Variants in CDAN1 observed in about 807,000 individuals in gnomAD.
CDAN1 encodes the protein codanin-1.
Under a neutral mutation model 139.8 loss-of-function variants are expected in CDAN1, and 107 were observed. The ratio of observed to expected loss-of-function variants is 0.77; its 90% confidence interval spans 0.65 to 0.90. The LOEUF is 0.90. Among genes scored for constraint, CDAN1 ranks in the 40% least tolerant of loss-of-function variants. CDAN1 has a pLI of 0.00. For missense variants in CDAN1, 1,667 were observed against 1,575.7 expected (o/e 1.06, Z -0.98); for synonymous variants, 776 against 660.6 (o/e 1.17, Z -2.68).
rs751595854 is a variant in CDAN1, at chr15:42,735,315, G to A, written c.1003C>T (p.Arg335Trp). ...CTGTCCTTGGCAGTCACCATCCTCC[G>A]GGCAGTGAGGAGCTGAAAGACGAAG... ...LFFVFQLLTA[R>W]RMVTAKDSDP... Residue 335 changes from arginine to tryptophan, a missense_variant, in exon 5 of 28, where the codon CGG (arginine) becomes TGG (tryptophan). This residue lies in a region of CDAN1 where 244 missense variants were observed against 309.4 expected (regional missense o/e 0.79). Coordinates refer to ENST00000356231, the MANE Select transcript of CDAN1 (RefSeq NM_138477.4). The A allele has an allele frequency of 6.8e-6, 11 of 1,610,438 alleles. No homozygotes were observed. The highest frequency in any genetic ancestry group is 9.3e-6 in the Non-Finnish European group (11 of 1,178,242).
At chr15:42,725,021 G>A in intron 27 of CDAN1, 123 bp downstream of exon 27, 1 of 785,582 alleles carries the variant, frequency 1.3e-6, no homozygotes, top group Non-Finnish European at 2.2e-6. Context: ...ACAATTTCAG[G>A]GTGGCCCTGA....
chr15:42,731,205 T>C lies in CDAN1; in HGVS notation c.1860+6A>G, dbSNP rs756447126. On this transcript the variant is annotated splice_donor_region_variant and intron_variant, in intron 12 of 27. Coordinates refer to ENST00000356231, the MANE Select transcript of CDAN1 (RefSeq NM_138477.4). ...CCCCATTATTTCCCTTGTTCTGTTTTCGGACCTGCCAGTCTACGTCTGACT... is the reference window on the plus strand; with the variant it reads ...CCCCATTATTTCCCTTGTTCTGTTTCCGGACCTGCCAGTCTACGTCTGACT... The C allele has an allele frequency of 3.7e-6, 6 of 1,614,226 alleles. No individual in the cohort carries two copies. The Admixed American group carries it at 8.3e-5, about 22-fold the overall frequency.
intron 1 of CDAN1, 67 bp from the exon 2 acceptor site, chr15:42,736,847 G>A (rs2061696432): frequency 1.4e-6 from 2 of 1,454,008 alleles, no homozygotes; most frequent in Admixed American, 2.6e-5. Context: ...TGAGCAGCCG[G>A]GGCCGTAGGG....
rs1464497888 is a variant in CDAN1 at position 42,725,491 on chromosome 15, C to A, written c.3448G>T (p.Glu1150Ter). ...GCTTCTTGTTCCGTCTGACTCACCT[C>A]CCTTGGCCTTGTGTCTGCCAGAAGC... ...VGLLADTRPREWDLLLFLLRE... is the reference protein window; with the variant it reads ...VGLLADTRPR Residue 1150 changes from glutamate (E) to a stop codon, truncating the protein, a stop_gained and splice_region_variant, in exon 26 of 28, where the codon GAG (glutamate) becomes TAG (stop). Coordinates refer to ENST00000356231, the MANE Select transcript of CDAN1 (RefSeq NM_138477.4). LOFTEE classifies it high-confidence loss of function. 6.2e-7 allele frequency: 1 copy of A among 1,614,076 alleles called. No homozygotes were observed. Among genetic ancestry groups the A allele is most frequent in the East Asian group, 2.2e-5 (1 of 44,892 alleles).
chr15:42,729,695 C>A, intron 16 of CDAN1, 73 bp from the exon 17 acceptor site: 1 of 1,597,860 alleles, frequency 6.3e-7, no homozygotes, highest in Non-Finnish European at 8.6e-7. Context: ...GTTGGCAGGG[C>A]CTTTACAAGG....
In CDAN1 at chr15:42,733,296, T is replaced by C; in HGVS notation, c.1368-110A>G. 9.4e-6 allele frequency: 8 copies of C among 850,352 alleles called. 1 individual carries two copies. The South Asian group carries it at 1.1e-4, about 12-fold the overall frequency. 52.7% of individuals were successfully genotyped at this position (850,352 alleles called of 1,614,324 possible). On this transcript the variant is annotated intron_variant, in intron 8 of 27. Transcript: ENST00000356231. ...CCACCACCTTTTTTTTTTTTGGAGA[T>C]GGAGTCTTGCTCTTGTCACTCAGGC... is the stretch of plus-strand genomic sequence containing the variant.
chr15:42,725,975 CAAA>C (rs886492399), intron 25 of CDAN1, 119 bp downstream of exon 25: 4,451 of 345,580 alleles, frequency 0.013, no homozygotes, highest in Middle Eastern at 0.019. Flanking sequence ...GATTCCGTCT[CAAA>C]AAAAAAAAAA....
At chr15:42,727,546 G>T in intron 23 of CDAN1, 75 bp downstream of exon 23, 3 of 1,355,768 alleles carry the variant, frequency 2.2e-6, no homozygotes, top group Non-Finnish European at 3.0e-6. Flanking sequence ...TGGAGCTGAT[G>T]TGAGAAAGGA....
intron 23 of CDAN1, chr15:42,727,157 C>G (rs886459409): frequency 1.9e-5 from 3 of 157,268 alleles, no homozygotes; most frequent in Admixed American, 1.9e-4. Context: ...TGGGCTGTTT[C>G]TTGACTCCTG....
rs780336319 is a variant in CDAN1 at position 42,730,181 on chromosome 15, T to G, written c.2209A>C (p.Met737Leu). Reference sequence around the variant, plus strand: ...AGCAGCAGCTTGTTCAGGAAACACATCTTCCCCTCACTCTCCTGCGACAAC... The same window carrying G: ...AGCAGCAGCTTGTTCAGGAAACACAGCTTCCCCTCACTCTCCTGCGACAAC... ...LVLSQESEGK[M>L]CFLNKLLLLA... Residue 737 changes from methionine to leucine, a missense_variant, in exon 15 of 28, where the codon ATG becomes CTG. Coordinates refer to ENST00000356231, the MANE Select transcript of CDAN1 (RefSeq NM_138477.4). The G allele has an allele frequency of 6.8e-6, 11 of 1,613,984 alleles. No individual in the cohort carries two copies. The Admixed American group carries it at 1.8e-4, about 27-fold the overall frequency.
chr15:42,732,908 G>C (rs1030675447), intron 9 of CDAN1, among the ~76,000 whole-genome samples, 189 bp downstream of exon 9: 2 of 152,320 alleles, frequency 1.3e-5, no homozygotes, highest in Admixed American at 6.5e-5. Flanking sequence ...AGTGGAAGGA[G>C]CTGGAGAGAC....
At chr15:42,728,980 A>G (rs1185628919) in intron 19 of CDAN1, 43 bp downstream of exon 19, 2 of 1,603,822 alleles carry the variant, frequency 1.2e-6, no homozygotes, top group African/African-American at 2.7e-5. Flanking sequence ...AAAGGGGAAA[A>G]AATGGTAGGG....
intron 20 of CDAN1, 150 bp from the exon 21 acceptor site, chr15:42,728,417 GAA>G: frequency 1.1e-6 from 1 of 934,196 alleles, no homozygotes; most frequent in South Asian, 1.4e-5. Context: ...AGGTGCCAGA[GAA>G]AAGACAAGCC....
chr15:42,727,514 G>A (rs1566980203), intron 23 of CDAN1, 107 bp downstream of exon 23: 4 of 1,076,962 alleles, frequency 3.7e-6, no homozygotes, highest in Non-Finnish European at 5.3e-6. Flanking sequence ...GGACAGCACA[G>A]ACAGCTTCTA....
chr15:42,733,900 A>G, intron 8 of CDAN1, 38 bp downstream of exon 8: 5 of 1,443,994 alleles, frequency 3.5e-6, no homozygotes, highest in South Asian at 1.1e-5. Context: ...GAAAAATGTC[A>G]TCTCATTCCC....
rs762352875 is a variant in CDAN1 at position 42,729,571 on chromosome 15, T to C, written c.2404A>G (p.Ile802Val). The C allele has an allele frequency of 3.7e-6, 6 of 1,613,946 alleles. No individual in the cohort carries two copies. Among genetic ancestry groups the C allele is most frequent in the East Asian group, 2.2e-5 (1 of 44,888 alleles). Residue 802 changes from isoleucine (I) to valine (V), a missense_variant, in exon 17 of 28, where the codon ATC (isoleucine) becomes GTC (valine). Transcript: ENST00000356231. ...QQLLYTCCPY[I>V]GELRKLLASW... is the part of the protein sequence containing the mutation. The stretch of plus-strand genomic sequence containing the variant: ...TCCAGGGAAGACCGGTGCTCACCGA[T>C]GTAGGGGCAGCAGGTGTAGAGCAGC...
In CDAN1 at chr15:42,733,891, AAAAATGTCATCTCATTCCCTCCCC is replaced by A. The variant is rs1379946124; in HGVS notation, c.1367+23_1367+46del. The A allele has an allele frequency of 2.1e-6, 3 of 1,397,674 alleles. No individual in the cohort carries two copies. The East Asian group carries it at 6.9e-5, about 32-fold the overall frequency. The allele number at this position is 1,397,674 out of a possible 1,614,324, so 86.6% of individuals were successfully genotyped here. On this transcript the variant is annotated intron_variant, in intron 8 of 27. Coordinates refer to ENST00000356231, the MANE Select transcript of CDAN1 (RefSeq NM_138477.4). ...GAAACCAAACAGCTGCCTATTCCAG[AAAAATGTCATCTCATTCCCTCCCC>A]AAAAAGTCCCTTTTCTTATCACCTC...
At chr15:42,732,218 A>C in intron 10 of CDAN1, 115 bp downstream of exon 10, 1 of 1,035,136 alleles carries the variant, frequency 9.7e-7, no homozygotes, top group South Asian at 1.3e-5. Context: ...ACTCTTGTTC[A>C]AATTCCAGCC....
At position 42,728,846 on chromosome 15, in the gene CDAN1, G is replaced by A. The variant is rs138627747; in HGVS notation, c.2646-36C>T. 1,010 of 1,613,832 alleles carry A rather than the reference G, an allele frequency of 6.3e-4. 2 individuals are homozygous for A. In the African/African-American group the frequency reaches 0.012, roughly 19 times the overall value. ...GACAGCAAGGTTGGGGATGGTTGGA[G>A]GGTTAATCGGAAAGAGGCTGAAAAT... On this transcript the variant is annotated intron_variant, in intron 19 of 27. Transcript: ENST00000356231.
Sources: allele counts gnomAD v4.1 joint callset (sites outside exome capture counted in the v4.1 genomes callset), GRCh38; gene constraint gnomAD v4.1.1; regional missense constraint gnomAD v4.1.1; transcripts MANE v1.5; gene names NCBI Gene and HGNC (gene_info 2026-07-23, HGNC 2026-07-21).